The following CNTLN variants were observed in gnomAD, a reference collection of about 807,000 sequenced individuals.
CNTLN encodes the protein centlein.
A neutral mutation model predicts 180.0 loss-of-function variants in CNTLN; 212 were observed. The observed-to-expected ratio is 1.18, with a 90% CI of 1.05 to 1.32. CNTLN has a LOEUF of 1.32. Ranked by LOEUF, CNTLN falls within the 40% of genes most tolerant of loss-of-function variation. CNTLN has a pLI of 0.00. For missense variants in CNTLN, 2,095 were observed against 1,610.9 expected, an observed-to-expected ratio of 1.30 and a Z score of -5.14; for synonymous variants, 722 against 563.1, an observed-to-expected ratio of 1.28 and a Z score of -3.99.
intron 5 of CNTLN, among the ~76,000 whole-genome samples, chr9:17,261,565 CTT>C (rs1424935989): frequency 6.6e-6 from 1 of 151,284 alleles, no homozygotes; most frequent in Non-Finnish European, 1.5e-5. Context: ...CCCTAGGAGA[CTT>C]TTGGTGGAAT....
chr9:17,230,459 T>C (rs917411431), intron 3 of CNTLN, among the ~76,000 whole-genome samples: 17 of 152,180 alleles, frequency 1.1e-4, no homozygotes, highest in Admixed American at 3.3e-4. Flanking sequence ...GCTGTGCTTC[T>C]GGACTGTGAC....
At chr9:17,475,599 A>C (rs562086735) in intron 23 of CNTLN, among the ~76,000 whole-genome samples, 1 of 152,048 alleles carries the variant, frequency 6.6e-6, no homozygotes, top group Non-Finnish European at 1.5e-5. Flanking sequence ...GGGGCCGGGC[A>C]CAGTGGCTCA....
chr9:17,493,677 G>A (rs1485821144), intron 25 of CNTLN, among the ~76,000 whole-genome samples: 1 of 152,158 alleles, frequency 6.6e-6, no homozygotes, highest in African/African-American at 2.4e-5. Context: ...AACAAGATAC[G>A]TGAAGCACAA....
chr9:17,381,329 T>G (rs1398348496), intron 13 of CNTLN, among the ~76,000 whole-genome samples: 1 of 152,208 alleles, frequency 6.6e-6, no homozygotes, highest in Non-Finnish European at 1.5e-5. Flanking sequence ...GCCAGTGCCT[T>G]TCTGAGCTCT....
chr9:17,458,643 T>C (rs1406088131), intron 19 of CNTLN, among the ~76,000 whole-genome samples: 2 of 151,950 alleles, frequency 1.3e-5, no homozygotes, highest in Non-Finnish European at 2.9e-5. Flanking sequence ...TTAGTGCAGA[T>C]TTACTCATAG....
At position 17,340,895 on chromosome 9, in the gene CNTLN, C is replaced by T. The variant is rs1165188645; in HGVS notation, c.1713C>T (p.Thr571=). Reference sequence around the variant, plus strand: ...AGGAACGGCTACAGATGTTACAGACCAACTACAGAGCAGTAAAAGAGCAAT... The same window carrying T: ...AGGAACGGCTACAGATGTTACAGACTAACTACAGAGCAGTAAAAGAGCAAT... ...KRKERLQMLQ[T]NYRAVKEQLK... The change falls in exon 11 of 26, where the codon ACC becomes ACT. Residue 571 remains threonine, a synonymous_variant. Transcript: ENST00000380647. The T allele has an allele frequency of 1.9e-6, 3 of 1,612,052 alleles. No homozygotes were observed. In the African/African-American group the frequency reaches 4.0e-5, roughly 22 times the overall value.
intron 3 of CNTLN, among the ~76,000 whole-genome samples, chr9:17,227,811 TTAAGA>T (rs1458631800): frequency 6.6e-6 from 1 of 152,070 alleles, no homozygotes; most frequent in East Asian, 1.9e-4. Flanking sequence ...TGATAAAATG[TTAAGA>T]ATAACATTTT....
intron 2 of CNTLN, among the ~76,000 whole-genome samples, chr9:17,147,056 C>T (rs1490484446): frequency 1.3e-5 from 2 of 152,084 alleles, no homozygotes; most frequent in African/African-American, 4.8e-5. Flanking sequence ...GTATGTTGCT[C>T]ATATGGGTTT....
intron 2 of CNTLN, among the ~76,000 whole-genome samples, chr9:17,214,840 C>G (rs1011925395): frequency 2.0e-5 from 3 of 152,192 alleles, no homozygotes; most frequent in African/African-American, 7.2e-5. Context: ...TCCAGTTGAT[C>G]AAATTGGCTA....
chr9:17,484,572 A>C, intron 24 of CNTLN, 92 bp downstream of exon 24: 3 of 1,043,724 alleles, frequency 2.9e-6, no homozygotes, highest in South Asian at 1.7e-5. Context: ...TTAGAATTTC[A>C]TCTTTAAGAG....
At chr9:17,344,982 G>A (rs185412181) in intron 12 of CNTLN, among the ~76,000 whole-genome samples, 1 of 152,158 alleles carries the variant, frequency 6.6e-6, no homozygotes, top group Non-Finnish European at 1.5e-5. Flanking sequence ...GAATCATACA[G>A]GCTATTTACT....
At chr9:17,408,042 G>A (rs149823205) in intron 15 of CNTLN, among the ~76,000 whole-genome samples, 6 of 138,262 alleles carry the variant, frequency 4.3e-5, no homozygotes, top group Non-Finnish European at 6.1e-5. Flanking sequence ...CAGGAGAATC[G>A]CTTGAACCCT....
chr9:17,205,703 C>T (rs1334275242), intron 2 of CNTLN, among the ~76,000 whole-genome samples: 1 of 152,086 alleles, frequency 6.6e-6, no homozygotes, highest in Non-Finnish European at 1.5e-5. Flanking sequence ...TTGGATGCCC[C>T]AATGGCAACA....
chr9:17,263,722 A>G (rs1408510493), intron 5 of CNTLN, among the ~76,000 whole-genome samples: 1 of 144,222 alleles, frequency 6.9e-6, no homozygotes, highest in Admixed American at 6.9e-5. Context: ...CTGACTTTTT[A>G]ATGATCACCA....
intron 12 of CNTLN, among the ~76,000 whole-genome samples, chr9:17,360,272 C>G (rs1407987563): frequency 6.6e-6 from 1 of 152,182 alleles, no homozygotes; most frequent in African/African-American, 2.4e-5. Context: ...TTAGGACCAT[C>G]ATCATAGGTA....
At chr9:17,408,961 T>G (rs1049105317) in intron 15 of CNTLN, among the ~76,000 whole-genome samples, 1 of 152,128 alleles carries the variant, frequency 6.6e-6, no homozygotes, top group African/African-American at 2.4e-5. Flanking sequence ...AATATTAAAC[T>G]TTTCTGGCCT....
chr9:17,299,606 TA>T (rs1387071313), intron 7 of CNTLN: 1 of 985,282 alleles, frequency 1.0e-6, no homozygotes, highest in Admixed American at 6.2e-5. Context: ...ACCTAGATGA[TA>T]GCAAGCAGGA....
intron 8 of CNTLN, among the ~76,000 whole-genome samples, chr9:17,313,887 C>T (rs1212208188): frequency 3.3e-5 from 5 of 152,052 alleles, no homozygotes; most frequent in Non-Finnish European, 7.4e-5. Context: ...ATCTCTGCCT[C>T]CTGGGTTCAA....
At chr9:17,172,499 G>T (rs1351054805) in intron 2 of CNTLN, among the ~76,000 whole-genome samples, 1 of 151,948 alleles carries the variant, frequency 6.6e-6, no homozygotes, top group African/African-American at 2.4e-5. Context: ...AGACCTCTTT[G>T]GGCTATTTTG....
Sources: allele counts gnomAD v4.1 joint callset (sites outside exome capture counted in the v4.1 genomes callset), GRCh38; gene constraint gnomAD v4.1.1; transcripts MANE v1.5; gene names NCBI Gene and HGNC (gene_info 2026-07-23, HGNC 2026-07-21).